Variants in RRAGD observed in about 807,000 individuals in gnomAD.
RRAGD encodes ras-related GTP-binding protein D.
RRAGD carries 12 observed loss-of-function variants against 35.5 expected under a neutral mutation model. That is an observed-to-expected ratio of 0.34 (90% confidence interval 0.22 to 0.55). RRAGD has a LOEUF of 0.55. Ranked by LOEUF, RRAGD falls within the 20% of genes least tolerant of loss-of-function variation. RRAGD has a pLI of 0.91. For synonymous variants in RRAGD, 155 were observed against 178.9 expected (o/e 0.87, Z 1.07); for missense variants, 324 against 490.1 (o/e 0.66, Z 3.20).
chr6:89,398,789 G>A (rs1253920180), intron 1 of RRAGD, among the ~76,000 whole-genome samples: 1 of 152,180 alleles, frequency 6.6e-6, no homozygotes, highest in Non-Finnish European at 1.5e-5. Context: ...TTTTGGTGGA[G>A]TGCTCACCTA....
chr6:89,402,842 T>G (rs1427538773), intron 1 of RRAGD, among the ~76,000 whole-genome samples: 1 of 152,316 alleles, frequency 6.6e-6, no homozygotes, highest in South Asian at 2.1e-4. Flanking sequence ...TGAGGAGTTT[T>G]AGCCTTGGCC....
At chr6:89,410,021 T>C (rs1031548737) in intron 1 of RRAGD, among the ~76,000 whole-genome samples, 4 of 152,352 alleles carry the variant, frequency 2.6e-5, no homozygotes, top group South Asian at 2.1e-4. Flanking sequence ...ACAGGCAAGT[T>C]TGCCTTTACG....
At chr6:89,397,678 A>T (rs1326157178) in intron 1 of RRAGD, among the ~76,000 whole-genome samples, 1 of 152,192 alleles carries the variant, frequency 6.6e-6, no homozygotes, top group African/African-American at 2.4e-5. Flanking sequence ...TAGATACACA[A>T]ATTGTGATGC....
At chr6:89,383,718 G>A (rs1332407111) in intron 2 of RRAGD, among the ~76,000 whole-genome samples, 1 of 152,098 alleles carries the variant, frequency 6.6e-6, no homozygotes, top group African/African-American at 2.4e-5. Flanking sequence ...CATTCTGTGA[G>A]GACACATTTA....
At chr6:89,378,265 G>A (rs544897309) in intron 4 of RRAGD, among the ~76,000 whole-genome samples, 17 of 151,248 alleles carry the variant, frequency 1.1e-4, no homozygotes, top group Non-Finnish European at 2.2e-4. Flanking sequence ...TGGCGCCATT[G>A]CACTCCAGCC....
In RRAGD at chr6:89,366,221, C is replaced by G. The variant is rs1768740624; in HGVS notation, c.*1835G>C. On this transcript the variant is annotated 3_prime_UTR_variant, in exon 7 of 7. Coordinates refer to ENST00000369415, the MANE Select transcript of RRAGD (RefSeq NM_021244.5). ...AGGAAGGAGAGAGGTTGGAAAGAAGCCACAGAGAGAAGTGGGAAAGTTTAG... is the reference window on the plus strand; with the variant it reads ...AGGAAGGAGAGAGGTTGGAAAGAAGGCACAGAGAGAAGTGGGAAAGTTTAG... The G allele has an allele frequency of 6.6e-6, 1 of 152,368 alleles. No individual in the cohort carries two copies. The highest frequency in any genetic ancestry group is 2.4e-5 in the African/African-American group (1 of 41,538). 9.4% of individuals were successfully genotyped at this position (152,368 alleles called of 1,614,324 possible).
chr6:89,409,890 G>A (rs751526058), intron 1 of RRAGD, among the ~76,000 whole-genome samples: 7 of 152,214 alleles, frequency 4.6e-5, no homozygotes, highest in Non-Finnish European at 7.3e-5. Context: ...AACGTTTGCC[G>A]AGCAAACATG....
Position 89,377,732 on chromosome 6 carries a change from G to C in RRAGD, c.841C>G (p.Gln281Glu). The change falls in exon 5 of 7, where the codon CAA (glutamine) becomes GAA (glutamate). Residue 281 changes from glutamine (Q) to glutamate (E), a missense_variant. By Grantham distance (29) the Gln-to-Glu change is conservative (BLOSUM62 2). Transcript: ENST00000369415. ...ATATCACAGCAGAGCTCATAGGTTTGCATATCCACCGGAGTACTATCAGTT... is the reference window on the plus strand; with the variant it reads ...ATATCACAGCAGAGCTCATAGGTTTCCATATCCACCGGAGTACTATCAGTT... ...IATDSTPVDM[Q>E]TYELCCDMID... is the part of the protein sequence containing the mutation. The C allele has an allele frequency of 1.2e-6, 2 of 1,612,600 alleles. No homozygotes were observed. Among genetic ancestry groups the C allele is most frequent in the Non-Finnish European group, 1.7e-6 (2 of 1,179,416 alleles).
At chr6:89,380,393 G>A in intron 2 of RRAGD, 26 bp from the exon 3 acceptor site, 1 of 1,605,586 alleles carries the variant, frequency 6.2e-7, no homozygotes, top group Non-Finnish European at 8.5e-7. Context: ...ACGCCTGTGA[G>A]AGAAGGCCGC....
chr6:89,384,112 AAAAG>A (rs917353987), intron 2 of RRAGD, among the ~76,000 whole-genome samples: 26 of 152,026 alleles, frequency 1.7e-4, no homozygotes, highest in African/African-American at 5.8e-4. Flanking sequence ...AAAAAAAAAA[AAAAG>A]AAAGAAAGGA....
At chr6:89,388,733 C>A (rs2127891334) in intron 1 of RRAGD, among the ~76,000 whole-genome samples, 1 of 152,272 alleles carries the variant, frequency 6.6e-6, no homozygotes, top group South Asian at 2.1e-4. Flanking sequence ...CAGTTTATTT[C>A]TATTATTATT....
chr6:89,382,101 G>GA (rs917619577), intron 2 of RRAGD, among the ~76,000 whole-genome samples: 1 of 151,652 alleles, frequency 6.6e-6, no homozygotes, highest in African/African-American at 2.4e-5. Context: ...TCCAAACCTG[G>GA]AAAAAACAGA....
At chr6:89,385,842 A>T (rs1302207899) in intron 2 of RRAGD, among the ~76,000 whole-genome samples, 2 of 152,106 alleles carry the variant, frequency 1.3e-5, no homozygotes, top group African/African-American at 2.4e-5. Context: ...TTAGTTGAAA[A>T]TTTTGTTATT....
At chr6:89,386,079 T>C (rs1050199858) in intron 2 of RRAGD, among the ~76,000 whole-genome samples, 6 of 152,154 alleles carry the variant, frequency 3.9e-5, no homozygotes, top group African/African-American at 1.4e-4. Flanking sequence ...GGTCCACAGT[T>C]CCAGGGAAAG....
rs1769152668 is a variant in RRAGD at position 89,387,275 on chromosome 6, C to A, written c.444+20G>T. On this transcript the variant is annotated intron_variant, in intron 2 of 6. Coordinates refer to ENST00000369415, the MANE Select transcript of RRAGD (RefSeq NM_021244.5). Reference sequence around the variant, plus strand: ...AGGGGACCGGCCAGGCCATCATACCCCTGAGACTCTGAGCTTTACCTGTGA... The same window carrying A: ...AGGGGACCGGCCAGGCCATCATACCACTGAGACTCTGAGCTTTACCTGTGA... The A allele has an allele frequency of 6.2e-7, 1 of 1,606,774 alleles. No homozygotes were observed. The highest frequency in any genetic ancestry group is 8.5e-7 in the Non-Finnish European group (1 of 1,174,510).
At chr6:89,403,756 T>A (rs1275767746) in intron 1 of RRAGD, among the ~76,000 whole-genome samples, 1 of 151,072 alleles carries the variant, frequency 6.6e-6, no homozygotes, top group African/African-American at 2.4e-5. Context: ...TGCCTCAGCC[T>A]CCCAAGTAGC....
chr6:89,383,624 C>G (rs539937599), intron 2 of RRAGD, among the ~76,000 whole-genome samples: 1 of 152,104 alleles, frequency 6.6e-6, no homozygotes, highest in Non-Finnish European at 1.5e-5. Flanking sequence ...AGATATGGTG[C>G]ATTCTGTAGG....
At chr6:89,374,492 T>C (rs1240338091) in intron 5 of RRAGD, among the ~76,000 whole-genome samples, 2 of 152,148 alleles carry the variant, frequency 1.3e-5, no homozygotes, top group Admixed American at 6.5e-5. Context: ...CCCAGCACTT[T>C]GGGAGGCCGA....
intron 1 of RRAGD, among the ~76,000 whole-genome samples, chr6:89,392,448 C>A (rs1329285219): frequency 6.7e-6 from 1 of 148,780 alleles, no homozygotes; most frequent in Non-Finnish European, 1.5e-5. Flanking sequence ...CTACTGCACT[C>A]CAGCCTGGAC....
Sources: allele counts gnomAD v4.1 joint callset (sites outside exome capture counted in the v4.1 genomes callset), GRCh38; gene constraint gnomAD v4.1.1; transcripts MANE v1.5; gene names NCBI Gene and HGNC (gene_info 2026-07-23, HGNC 2026-07-21).